VPS50: variants seen among roughly 807,000 people sequenced by gnomAD.
The protein encoded by VPS50 is VPS50 subunit of EARP/GARPII complex.
A neutral mutation model predicts 139.7 loss-of-function variants in VPS50; 70 were observed. That is an observed-to-expected ratio of 0.50 (90% CI 0.41 to 0.61). The LOEUF is 0.61. Ranked by LOEUF, VPS50 falls within the 20% of genes least tolerant of loss-of-function variation. The pLI, the probability that VPS50 is intolerant of heterozygous loss-of-function variation, is 0.00. For missense variants in VPS50, 921 were observed against 1,133.7 expected, an observed-to-expected ratio of 0.81 and a Z score of 2.69; for synonymous variants, 365 against 376.7, an observed-to-expected ratio of 0.97 and a Z score of 0.36.
At chr7:93,263,521 T>G (rs1795750122) in intron 9 of VPS50, among the ~76,000 whole-genome samples, 1 of 152,230 alleles carries the variant, frequency 6.6e-6, no homozygotes, top group African/African-American at 2.4e-5. Flanking sequence ...TGGCAGATTA[T>G]GTGTTCCTCT....
intron 25 of VPS50, 32 bp downstream of exon 25, chr7:93,350,065 A>C: frequency 6.6e-7 from 1 of 1,517,440 alleles, no homozygotes; most frequent in Admixed American, 1.7e-5. Flanking sequence ...TGTGCTAAAG[A>C]TCAATCTACT....
At position 93,353,774 on chromosome 7, in the gene VPS50, T is replaced by C; in HGVS notation, c.2585+13T>C. 1 of 1,591,144 alleles carries C rather than the reference T, an allele frequency of 6.3e-7. No homozygotes were observed. Among genetic ancestry groups the C allele is most frequent in the Non-Finnish European group, 8.6e-7 (1 of 1,166,718 alleles). On this transcript the variant is annotated intron_variant, in intron 26 of 27. Transcript: ENST00000305866. ...CTATTGTAGAAGGGTAAGTTTTTCA[T>C]GAAAGCATTATTTGTTTCTTTAATG...
intron 9 of VPS50, among the ~76,000 whole-genome samples, chr7:93,266,962 C>T (rs1584406570): frequency 1.3e-5 from 2 of 152,214 alleles, no homozygotes; most frequent in South Asian, 2.1e-4. Flanking sequence ...TGTAGTCTTC[C>T]ATATGCTGTT....
intron 23 of VPS50, among the ~76,000 whole-genome samples, chr7:93,342,440 A>G (rs1255579065): frequency 2.0e-5 from 3 of 152,296 alleles, no homozygotes; most frequent in South Asian, 2.1e-4. Context: ...TAGGTAAACA[A>G]AGCAGCCTGG....
chr7:93,328,143 A>G (rs986625733), intron 21 of VPS50, among the ~76,000 whole-genome samples: 1 of 152,154 alleles, frequency 6.6e-6, no homozygotes, highest in Non-Finnish European at 1.5e-5. Context: ...TAATAATGCT[A>G]CTCATGGTAT....
intron 9 of VPS50, among the ~76,000 whole-genome samples, chr7:93,267,025 C>T (rs1795862502): frequency 6.6e-6 from 1 of 152,124 alleles, no homozygotes. Context: ...GAATTACTTA[C>T]CTTTAATAAC....
At chr7:93,237,698 G>A (rs1794856518) in intron 1 of VPS50, among the ~76,000 whole-genome samples, 1 of 152,070 alleles carries the variant, frequency 6.6e-6, no homozygotes. Flanking sequence ...AGTTTATGAT[G>A]GTTTTATTGA....
chr7:93,287,198 T>C (rs554852953), intron 12 of VPS50, among the ~76,000 whole-genome samples: 3 of 152,234 alleles, frequency 2.0e-5, no homozygotes, highest in Admixed American at 1.3e-4. Context: ...ATAATAAATT[T>C]GGGTCCTTTT....
intron 12 of VPS50, among the ~76,000 whole-genome samples, chr7:93,278,884 CAT>C (rs1278937705): frequency 9.2e-5 from 14 of 151,716 alleles, no homozygotes; most frequent in African/African-American, 2.7e-4. Flanking sequence ...TCATAGAAAA[CAT>C]AATAGCAGGC....
chr7:93,253,316 T>C (rs1340213950), intron 3 of VPS50, among the ~76,000 whole-genome samples: 1 of 152,214 alleles, frequency 6.6e-6, no homozygotes, highest in East Asian at 1.9e-4. Context: ...ACTGAGATTG[T>C]TTCCCTGTAT....
chr7:93,326,492 A>T (rs1226745067), intron 21 of VPS50, among the ~76,000 whole-genome samples: 1 of 151,090 alleles, frequency 6.6e-6, no homozygotes, highest in African/African-American at 2.4e-5. Flanking sequence ...TACAGTATTG[A>T]AACCCAGAAA....
intron 12 of VPS50, among the ~76,000 whole-genome samples, chr7:93,288,909 C>T (rs1796569271): frequency 6.6e-6 from 1 of 152,064 alleles, no homozygotes; most frequent in Non-Finnish European, 1.5e-5. Flanking sequence ...TGGTTAGTCT[C>T]CTACCCTCTC....
chr7:93,340,865 T>C, intron 22 of VPS50: 1 of 152,748 alleles, frequency 6.5e-6, no homozygotes, highest in Non-Finnish European at 1.5e-5. Flanking sequence ...ACACCCTGCT[T>C]CCTGGGTATC....
At chr7:93,348,497 C>T (rs533142167) in intron 23 of VPS50, among the ~76,000 whole-genome samples, 2 of 152,274 alleles carry the variant, frequency 1.3e-5, no homozygotes, top group South Asian at 2.1e-4. Context: ...CTTCTTTCAC[C>T]TCAACTTCCA....
intron 2 of VPS50, chr7:93,246,092 TTG>T: frequency 6.6e-7 from 1 of 1,515,464 alleles, no homozygotes; most frequent in Non-Finnish European, 8.8e-7. Flanking sequence ...CTTTTTTTTT[TTG>T]CTTTCAGTTA....
At chr7:93,342,258 T>C (rs1798236228) in intron 23 of VPS50, among the ~76,000 whole-genome samples, 1 of 152,198 alleles carries the variant, frequency 6.6e-6, no homozygotes, top group South Asian at 2.1e-4. Flanking sequence ...CCGAATACTG[T>C]GCTTTTCCGA....
chr7:93,335,766 C>G (rs1798052898), intron 22 of VPS50, among the ~76,000 whole-genome samples: 1 of 152,092 alleles, frequency 6.6e-6, no homozygotes, highest in African/African-American at 2.4e-5. Flanking sequence ...TACTGAAAGT[C>G]CCAAGATTGA....
chr7:93,340,842 T>C (rs1798190516), intron 22 of VPS50: 1 of 152,526 alleles, frequency 6.6e-6, no homozygotes, highest in African/African-American at 2.4e-5. Context: ...TGGATGGTGC[T>C]GAAGAGCCTG....
At chr7:93,251,452 A>G (rs1473354390) in intron 2 of VPS50, among the ~76,000 whole-genome samples, 1 of 147,942 alleles carries the variant, frequency 6.8e-6, no homozygotes, top group Non-Finnish European at 1.5e-5. Flanking sequence ...GCATGTTCTC[A>G]CTTATAAGTG....
Sources: gnomAD v4.1 joint callset for allele counts (sites outside exome capture counted in the v4.1 genomes callset) on GRCh38, gnomAD v4.1.1 for gene constraint, MANE v1.5 for transcripts, NCBI Gene and HGNC (gene_info 2026-07-23, HGNC 2026-07-21) for gene names.